The following MYO3B variants were observed in gnomAD, a reference collection of about 807,000 sequenced individuals.
MYO3B encodes the protein myosin-IIIb.
MYO3B carries 156 observed loss-of-function variants against 174.6 expected under a neutral mutation model. That is an observed-to-expected ratio of 0.89 (90% CI 0.78 to 1.02). The LOEUF (loss-of-function observed/expected upper bound fraction) is 1.02. Among genes scored for constraint, MYO3B ranks in the 50% least tolerant of loss-of-function variants. The pLI, the probability that MYO3B is intolerant of heterozygous loss-of-function variation, is 0.00. For missense variants in MYO3B, 1,632 were observed against 1,639.4 expected (o/e 1.00, Z 0.08); for synonymous variants, 563 against 569.1 (o/e 0.99, Z 0.15).
At chr2:170,298,366 A>G (rs186002195) in intron 7 of MYO3B, among the ~76,000 whole-genome samples, 1 of 152,234 alleles carries the variant, frequency 6.6e-6, no homozygotes, top group East Asian at 1.9e-4. Context: ...CTTAAACTAA[A>G]GGACTAGAAC....
chr2:170,432,713 A>G (rs1004781733), intron 22 of MYO3B, among the ~76,000 whole-genome samples: 1 of 151,734 alleles, frequency 6.6e-6, no homozygotes, highest in African/African-American at 2.4e-5. Flanking sequence ...AGTAGTTGGG[A>G]CTACAGGCGC....
At chr2:170,611,451 A>G (rs1304432292) in intron 32 of MYO3B, among the ~76,000 whole-genome samples, 1 of 152,176 alleles carries the variant, frequency 6.6e-6, no homozygotes, top group African/African-American at 2.4e-5. Flanking sequence ...GCTTCACGTA[A>G]AATTTGTAAA....
intron 7 of MYO3B, among the ~76,000 whole-genome samples, chr2:170,325,225 T>G (rs1485955493): frequency 1.3e-5 from 2 of 152,170 alleles, no homozygotes; most frequent in Non-Finnish European, 1.5e-5. Flanking sequence ...GGTTTTTTTT[T>G]GAGATGGAGT....
intron 7 of MYO3B, among the ~76,000 whole-genome samples, chr2:170,301,074 A>G (rs1417152010): frequency 2.0e-5 from 3 of 152,192 alleles, no homozygotes; most frequent in Non-Finnish European, 4.4e-5. Context: ...TATATCCTCC[A>G]AAAGGAAAGG....
intron 32 of MYO3B, among the ~76,000 whole-genome samples, chr2:170,612,240 C>A (rs1695167943): frequency 6.6e-6 from 1 of 152,208 alleles, no homozygotes; most frequent in South Asian, 2.1e-4. Context: ...GGCAGGCCAA[C>A]CCTGGTGGTG....
At chr2:170,643,076 A>C (rs920639340) in intron 32 of MYO3B, among the ~76,000 whole-genome samples, 1 of 151,930 alleles carries the variant, frequency 6.6e-6, no homozygotes, top group Non-Finnish European at 1.5e-5. Flanking sequence ...CCCGGGCATT[A>C]GTATTTTAAA....
chr2:170,296,503 G>A (rs2093629748), intron 7 of MYO3B, among the ~76,000 whole-genome samples: 1 of 152,154 alleles, frequency 6.6e-6, no homozygotes, highest in Non-Finnish European at 1.5e-5. Flanking sequence ...TGTTAACCAG[G>A]CATTGGAGAC....
At chr2:170,389,843 A>T (rs2094399767) in intron 14 of MYO3B, among the ~76,000 whole-genome samples, 1 of 152,126 alleles carries the variant, frequency 6.6e-6, no homozygotes, top group Non-Finnish European at 1.5e-5. Flanking sequence ...TTGTTTCTCC[A>T]GAATATATAT....
At chr2:170,479,302 T>TA (rs888467567) in intron 25 of MYO3B, among the ~76,000 whole-genome samples, 2 of 147,826 alleles carry the variant, frequency 1.4e-5, no homozygotes, top group Non-Finnish European at 3.0e-5. Context: ...AAAAAATAAA[T>TA]AAAAAATTAA....
intron 7 of MYO3B, 84 bp from the exon 8 acceptor site, chr2:170,335,301 G>A: frequency 2.0e-6 from 2 of 1,013,420 alleles, no homozygotes; most frequent in South Asian, 2.9e-5. Context: ...GAGCTATTTA[G>A]AATGATATCA....
At chr2:170,199,441 T>G (rs1470188203) in intron 2 of MYO3B, 50 bp downstream of exon 2, 1 of 1,325,116 alleles carries the variant, frequency 7.5e-7, no homozygotes. Flanking sequence ...TTATGCACAC[T>G]GAGTTTTCAA....
At chr2:170,517,173 G>C (rs974716645) in intron 29 of MYO3B, among the ~76,000 whole-genome samples, 1 of 152,250 alleles carries the variant, frequency 6.6e-6, no homozygotes, top group Non-Finnish European at 1.5e-5. Context: ...GGATGGAGGA[G>C]CAGATTCCTT....
intron 9 of MYO3B, among the ~76,000 whole-genome samples, chr2:170,380,020 G>A (rs10497365): frequency 0.1 from 15,531 of 152,260 alleles, 1,349 homozygotes; most frequent in East Asian, 0.49. Flanking sequence ...TTTGTGAAAT[G>A]CATACCAAAG....
chr2:170,532,574 AG>A (rs1297190317), intron 30 of MYO3B, among the ~76,000 whole-genome samples: 1 of 152,126 alleles, frequency 6.6e-6, no homozygotes, highest in Admixed American at 6.5e-5. Context: ...GCACTTTGGG[AG>A]GCCAAGGTGG....
chr2:170,386,233 C>A lies in MYO3B; in HGVS notation c.1335C>A (p.Ser445Arg), dbSNP rs373290167. The A allele has an allele frequency of 6.2e-7, 1 of 1,613,562 alleles. No homozygotes were observed. The highest frequency in any genetic ancestry group is 8.5e-7 in the Non-Finnish European group (1 of 1,179,642). ...AGAGTGGCTCTGGGAAGACAGAAAG[C>A]GCCCACCTGATTGTTCAGCATTTGA... ...SGESGSGKTE[S>R]AHLIVQHLTF... Residue 445 changes from serine to arginine, a missense_variant, in exon 13 of 35, where the codon AGC becomes AGA. Coordinates refer to ENST00000408978, the MANE Select transcript of MYO3B (RefSeq NM_138995.5).
intron 21 of MYO3B, among the ~76,000 whole-genome samples, chr2:170,406,816 G>C (rs1162107158): frequency 6.6e-6 from 1 of 152,042 alleles, no homozygotes; most frequent in Non-Finnish European, 1.5e-5. Flanking sequence ...ATTCTCTGAG[G>C]GTGTTCCTTA....
intron 22 of MYO3B, among the ~76,000 whole-genome samples, chr2:170,417,190 T>C (rs897920099): frequency 2.6e-5 from 4 of 152,142 alleles, no homozygotes; most frequent in Admixed American, 1.3e-4. Context: ...CTTCTCTGTC[T>C]ACCCAATGGA....
At chr2:170,345,913 A>G (rs1216677894) in intron 8 of MYO3B, among the ~76,000 whole-genome samples, 1 of 151,868 alleles carries the variant, frequency 6.6e-6, no homozygotes, top group Non-Finnish European at 1.5e-5. Context: ...AGGGACCTGG[A>G]ACAGATCCTT....
chr2:170,545,606 CT>C (rs1690429588), intron 32 of MYO3B, among the ~76,000 whole-genome samples: 1 of 152,160 alleles, frequency 6.6e-6, no homozygotes, highest in African/African-American at 2.4e-5. Flanking sequence ...AGAAAAGAGA[CT>C]TGTTGGATTA....
Sources: allele counts gnomAD v4.1 joint callset (sites outside exome capture counted in the v4.1 genomes callset), GRCh38; gene constraint gnomAD v4.1.1; transcripts MANE v1.5; gene names NCBI Gene and HGNC (gene_info 2026-07-23, HGNC 2026-07-21).